VPS13B: variants seen among roughly 807,000 people sequenced by gnomAD.
VPS13B encodes the protein vacuolar protein sorting 13 homolog B, also known as intermembrane lipid transfer protein VPS13B.
In VPS13B, 285 loss-of-function variants were observed where a neutral mutation model predicts 426.4. The observed-to-expected ratio is 0.67, with a 90% CI of 0.61 to 0.74. The LOEUF is 0.74. Among genes scored for constraint, VPS13B ranks in the 30% least tolerant of loss-of-function variants. The pLI is 0.00. For synonymous variants in VPS13B, 1,676 were observed against 1,676.4 expected, an observed-to-expected ratio of 1.00 and a Z score of 0.01; for missense variants, 4,537 against 4,782.6, an observed-to-expected ratio of 0.95 and a Z score of 1.51.
intron 52 of VPS13B, among the ~76,000 whole-genome samples, chr8:99,833,420 T>C (rs529270115): frequency 1.3e-5 from 2 of 152,360 alleles, no homozygotes; most frequent in South Asian, 4.1e-4. Flanking sequence ...TAGACTTTAT[T>C]TGAGATTTAG....
At chr8:99,580,998 C>CACAA (rs1794397126) in intron 33 of VPS13B, among the ~76,000 whole-genome samples, 1 of 149,702 alleles carries the variant, frequency 6.7e-6, no homozygotes, top group Non-Finnish European at 1.5e-5. Context: ...CACACACACA[C>CACAA]ACACACACAC....
At chr8:99,142,677 A>G (rs938093469) in intron 12 of VPS13B, among the ~76,000 whole-genome samples, 1 of 152,218 alleles carries the variant, frequency 6.6e-6, no homozygotes, top group Non-Finnish European at 1.5e-5. Context: ...GTATAGAATT[A>G]CTAGATATAA....
intron 19 of VPS13B, among the ~76,000 whole-genome samples, chr8:99,282,447 G>C (rs1008540867): frequency 1.3e-5 from 2 of 151,970 alleles, no homozygotes; most frequent in African/African-American, 2.4e-5. Context: ...TGGAAACCGT[G>C]GATCTTTTTC....
intron 40 of VPS13B, among the ~76,000 whole-genome samples, chr8:99,774,446 T>C (rs976949773): frequency 5.3e-5 from 8 of 152,196 alleles, no homozygotes; most frequent in Non-Finnish European, 1.2e-4. Context: ...TAAGTAAAGA[T>C]TGTATTAGAT....
At chr8:99,753,807 T>G (rs1321854042) in intron 39 of VPS13B, among the ~76,000 whole-genome samples, 1 of 152,184 alleles carries the variant, frequency 6.6e-6, no homozygotes, top group African/African-American at 2.4e-5. Context: ...AAATCTGGAC[T>G]TAGAGTCTTG....
intron 33 of VPS13B, among the ~76,000 whole-genome samples, chr8:99,584,069 A>T (rs1826197084): frequency 6.6e-6 from 1 of 152,140 alleles, no homozygotes; most frequent in South Asian, 2.1e-4. Flanking sequence ...CACAGACTCC[A>T]GTAAAATATG....
chr8:99,067,426 AG>A (rs1222245247), intron 3 of VPS13B, among the ~76,000 whole-genome samples: 2 of 152,222 alleles, frequency 1.3e-5, no homozygotes, highest in Non-Finnish European at 2.9e-5. Context: ...TCTCACTCAT[AG>A]GTGGGAACTG....
intron 33 of VPS13B, among the ~76,000 whole-genome samples, chr8:99,603,222 G>A (rs1248247420): frequency 1.3e-5 from 2 of 152,156 alleles, no homozygotes; most frequent in Admixed American, 6.5e-5. Context: ...TAACATAACC[G>A]AAAGTAAGAG....
intron 17 of VPS13B, among the ~76,000 whole-genome samples, chr8:99,261,939 G>C (rs1818061184): frequency 6.6e-6 from 1 of 152,148 alleles, no homozygotes; most frequent in African/African-American, 2.4e-5. Flanking sequence ...AAATCATTCT[G>C]TCACTGTGAA....
chr8:99,742,945 T>C (rs1434922061), intron 39 of VPS13B, among the ~76,000 whole-genome samples: 1 of 152,136 alleles, frequency 6.6e-6, no homozygotes, highest in Non-Finnish European at 1.5e-5. Context: ...TCACCACTCC[T>C]ATTCAACATA....
intron 25 of VPS13B, among the ~76,000 whole-genome samples, chr8:99,493,011 A>T (rs970174633): frequency 5.3e-5 from 8 of 152,170 alleles, no homozygotes; most frequent in African/African-American, 1.9e-4. Flanking sequence ...AGCGACTTCG[A>T]AATTATTATA....
chr8:99,734,562 G>A (rs1833740718), intron 39 of VPS13B, among the ~76,000 whole-genome samples: 1 of 152,152 alleles, frequency 6.6e-6, no homozygotes, highest in South Asian at 2.1e-4. Context: ...GCATGATAGT[G>A]GAGGGTTTTA....
chr8:99,326,002 CT>C (rs1448697839), intron 19 of VPS13B, among the ~76,000 whole-genome samples: 1 of 151,974 alleles, frequency 6.6e-6, no homozygotes, highest in Non-Finnish European at 1.5e-5. Flanking sequence ...AAAGCTGTAC[CT>C]TAATGATTGG....
Position 99,013,768 on chromosome 8 carries a change from T to G in VPS13B, c.-21T>G, listed in dbSNP as rs959147552. 2 of 1,614,038 alleles carry G rather than the reference T, an allele frequency of 1.2e-6. No homozygotes were observed. The highest frequency in any genetic ancestry group is 3.3e-5 in the Admixed American group (2 of 60,022). On this transcript the variant is annotated 5_prime_UTR_variant, in exon 2 of 62. Transcript: ENST00000357162. ...CTGTCTACTCCTTTCAGCTTCCGACTTCGACTCCTTACCTTAAAAGATGCT... is the reference window on the plus strand; with the variant it reads ...CTGTCTACTCCTTTCAGCTTCCGACGTCGACTCCTTACCTTAAAAGATGCT...
chr8:99,076,377 G>A (rs1030362740), intron 3 of VPS13B, among the ~76,000 whole-genome samples: 11 of 152,074 alleles, frequency 7.2e-5, no homozygotes, highest in African/African-American at 2.7e-4. Context: ...AGTCTGTTTG[G>A]CTTATAGTGC....
intron 17 of VPS13B, among the ~76,000 whole-genome samples, chr8:99,214,664 A>G (rs1175479968): frequency 3.3e-5 from 5 of 152,052 alleles, no homozygotes; most frequent in African/African-American, 1.2e-4. Flanking sequence ...GGTGTTGTCC[A>G]ATTTATTTTC....
intron 34 of VPS13B, among the ~76,000 whole-genome samples, chr8:99,644,446 C>A (rs1829495472): frequency 6.6e-6 from 1 of 152,034 alleles, no homozygotes; most frequent in African/African-American, 2.4e-5. Context: ...ATAATCAATT[C>A]CTAGGTTAAA....
chr8:99,624,905 C>A (rs902973508), intron 33 of VPS13B, among the ~76,000 whole-genome samples: 12 of 151,932 alleles, frequency 7.9e-5, no homozygotes, highest in Admixed American at 7.9e-4. Flanking sequence ...ACAACGTCCG[C>A]CTCCCAGGTT....
chr8:99,540,034 TATATATATATATATATATATATATATATA>T (rs1563784905), intron 30 of VPS13B, among the ~76,000 whole-genome samples: 715 of 3,656 alleles, frequency 0.2, 13 homozygotes, highest in Non-Finnish European at 0.3. Flanking sequence ...TATATATATA[TATATATATATATATATATATATATATATA>T]TTTTTTTTTT....
Sources: gnomAD v4.1 joint callset for allele counts (sites outside exome capture counted in the v4.1 genomes callset) on GRCh38, gnomAD v4.1.1 for gene constraint, MANE v1.5 for transcripts, NCBI Gene and HGNC (gene_info 2026-07-23, HGNC 2026-07-21) for gene names.